The following SYNPR variants were observed in gnomAD, a reference collection of about 807,000 sequenced individuals.
SYNPR encodes the protein synaptoporin.
A neutral mutation model predicts 32.9 loss-of-function variants in SYNPR; 23 were observed. That is an observed-to-expected ratio of 0.70 (90% CI 0.50 to 0.99). SYNPR has a LOEUF of 0.99. SYNPR is among the 50% of genes least tolerant of loss of function. The pLI is 0.00. For missense variants in SYNPR, 318 were observed against 349.3 expected, an observed-to-expected ratio of 0.91 and a Z score of 0.71; for synonymous variants, 146 against 135.9, an observed-to-expected ratio of 1.07 and a Z score of -0.52.
At chr3:63,236,192 C>T (rs375982917) in intron 1 of SYNPR, among the ~76,000 whole-genome samples, 60 of 151,746 alleles carry the variant, frequency 4.0e-4, no homozygotes, top group African/African-American at 8.0e-4. Context: ...GTCTTTTGTA[C>T]GGGTATAGAT....
intron 2 of SYNPR, among the ~76,000 whole-genome samples, chr3:63,425,152 G>A (rs981300133): frequency 1.3e-5 from 2 of 152,084 alleles, no homozygotes; most frequent in Admixed American, 6.5e-5. Context: ...AAATGCTCAC[G>A]ATATAAACAT....
intron 1 of SYNPR, among the ~76,000 whole-genome samples, chr3:63,232,297 G>A (rs1445767660): frequency 1.4e-5 from 2 of 140,868 alleles, no homozygotes; most frequent in Non-Finnish European, 3.0e-5. Flanking sequence ...CCCGTCCCAG[G>A]TTCAAATGAT....
At chr3:63,502,663 G>C (rs1424332024) in intron 3 of SYNPR, among the ~76,000 whole-genome samples, 1 of 152,126 alleles carries the variant, frequency 6.6e-6, no homozygotes, top group Admixed American at 6.6e-5. Context: ...AGCTCTTTCA[G>C]ATTGGCTTAT....
intron 3 of SYNPR, among the ~76,000 whole-genome samples, chr3:63,494,430 T>TAC (rs1401590802): frequency 9.0e-5 from 11 of 122,252 alleles, no homozygotes; most frequent in African/African-American, 3.1e-4. Flanking sequence ...TATATATATA[T>TAC]ATACGTATAT....
the SYNPR span, among the ~76,000 whole-genome samples, chr3:63,210,842 C>T: frequency 2.7e-5 from 4 of 150,880 alleles, no homozygotes; most frequent in East Asian, 7.8e-4. Context: ...CTCTTGTTCT[C>T]CTCACTTCCT....
At chr3:63,328,183 TA>T (rs757857433) in intron 2 of SYNPR, among the ~76,000 whole-genome samples, 2 of 151,938 alleles carry the variant, frequency 1.3e-5, no homozygotes, top group African/African-American at 4.8e-5. Context: ...ACTAAGCCAT[TA>T]AAAAAAATTC....
intron 3 of SYNPR, among the ~76,000 whole-genome samples, chr3:63,516,851 A>G (rs1330650079): frequency 1.3e-5 from 2 of 152,130 alleles, no homozygotes; most frequent in Non-Finnish European, 2.9e-5. Flanking sequence ...CTTGCTTTAC[A>G]TGTGGTTCAT....
chr3:63,554,185 A>G (rs1056688880), intron 3 of SYNPR, among the ~76,000 whole-genome samples: 4 of 152,094 alleles, frequency 2.6e-5, no homozygotes, highest in African/African-American at 9.7e-5. Context: ...AGGTCTTTTC[A>G]TAGTTTATTT....
rs10644651 is a variant in SYNPR at position 63,266,707 on chromosome 3, C to CAA, written n.155-600_155-599dup. ...GGGCGACAAGAGCAAAACTCCGTCT[C>CAA]AAAAAAAAAAACACAAAAAACCACA... On this transcript the variant is annotated intron_variant and non_coding_transcript_variant, in intron 2 of 4. Coordinates refer to the SYNPR transcript ENST00000478456. Among the ~76,000 whole-genome samples, 681 of 120,396 alleles carry CAA rather than the reference C, an allele frequency of 5.7e-3. 14 individuals are homozygous for CAA. The highest frequency in any genetic ancestry group is 0.02 in the African/African-American group (649 of 32,502). 79.0% of individuals were successfully genotyped at this position (120,396 alleles called of 152,430 possible).
intron 2 of SYNPR, among the ~76,000 whole-genome samples, chr3:63,478,597 C>T (rs1336699832): frequency 6.6e-6 from 1 of 152,116 alleles, no homozygotes; most frequent in Non-Finnish European, 1.5e-5. Flanking sequence ...TGCACAATTG[C>T]CTATCACACA....
At chr3:63,515,533 C>A (rs1031511774) in intron 3 of SYNPR, among the ~76,000 whole-genome samples, 2 of 152,042 alleles carry the variant, frequency 1.3e-5, no homozygotes, top group Admixed American at 1.3e-4. Context: ...ACAGTCTTTC[C>A]TCAAGTGGAA....
intron 2 of SYNPR, among the ~76,000 whole-genome samples, chr3:63,349,292 G>A (rs541042367): frequency 2.6e-5 from 4 of 151,974 alleles, no homozygotes; most frequent in South Asian, 4.2e-4. Context: ...TAGTAGAGAC[G>A]GGTTTCACCA....
intron 2 of SYNPR, among the ~76,000 whole-genome samples, chr3:63,279,508 G>A (rs1277714145): frequency 6.6e-6 from 1 of 152,182 alleles, no homozygotes; most frequent in Non-Finnish European, 1.5e-5. Context: ...AGAGGAGTGA[G>A]GCACAGAAAC....
Position 63,615,763 on chromosome 3 carries a change from G to A in SYNPR, c.*282G>A, listed in dbSNP as rs1700271266. On this transcript the variant is annotated 3_prime_UTR_variant, in exon 6 of 6. Coordinates refer to ENST00000478300, the MANE Select transcript of SYNPR (RefSeq NM_001130003.2). ...GTCATTTTGTATGTATGTTAAAGTA[G>A]TAGAAGTATTTTGTAGCTTAAAGTC... 2 of 296,546 alleles carry A rather than the reference G, an allele frequency of 6.7e-6. No homozygotes were observed. The highest frequency in any genetic ancestry group is 1.8e-4 in the South Asian group (2 of 11,206). The allele number at this position is 296,546 out of a possible 1,614,324, so 18.4% of individuals were successfully genotyped here.
intron 3 of SYNPR, among the ~76,000 whole-genome samples, chr3:63,494,690 T>C (rs1701339746): frequency 6.6e-6 from 1 of 151,906 alleles, no homozygotes; most frequent in Non-Finnish European, 1.5e-5. Flanking sequence ...ATAGCTACTC[T>C]AAACTCCACT....
intron 1 of SYNPR, among the ~76,000 whole-genome samples, chr3:63,242,340 C>T (rs2086255385): frequency 6.6e-6 from 1 of 152,002 alleles, no homozygotes; most frequent in African/African-American, 2.4e-5. Context: ...CCTATTTATA[C>T]AGGGAACTAG....
intron 3 of SYNPR, among the ~76,000 whole-genome samples, chr3:63,536,510 G>T (rs1448961968): frequency 6.6e-6 from 1 of 152,156 alleles, no homozygotes; most frequent in Non-Finnish European, 1.5e-5. Flanking sequence ...TTGCTAGTGG[G>T]ATTGTAAAAT....
At chr3:63,531,773 T>C (rs1702116858) in intron 3 of SYNPR, among the ~76,000 whole-genome samples, 2 of 152,174 alleles carry the variant, frequency 1.3e-5, no homozygotes. Flanking sequence ...CTCTACCTTT[T>C]CCATATTTAC....
At chr3:63,282,043 C>T (rs965819947) in intron 2 of SYNPR, among the ~76,000 whole-genome samples, 1 of 152,118 alleles carries the variant, frequency 6.6e-6, no homozygotes, top group Non-Finnish European at 1.5e-5. Flanking sequence ...TAAAATATGG[C>T]TTAACATATA....
Sources: gnomAD v4.1 joint callset for allele counts (sites outside exome capture counted in the v4.1 genomes callset) on GRCh38, gnomAD v4.1.1 for gene constraint, MANE v1.5 for transcripts, NCBI Gene and HGNC (gene_info 2026-07-23, HGNC 2026-07-21) for gene names.